LYRM4: variants seen among roughly 807,000 people sequenced by gnomAD.
The protein encoded by LYRM4 is LYR motif-containing protein 4.
LYRM4 carries 9 observed loss-of-function variants against 11.7 expected under a neutral mutation model. The ratio of observed to expected loss-of-function variants is 0.77; its 90% confidence interval spans 0.46 to 1.34. The LOEUF is 1.34. Ranked by LOEUF, LYRM4 falls within the 40% of genes most tolerant of loss-of-function variation. The pLI, the probability that LYRM4 is intolerant of heterozygous loss-of-function variation, is 0.00. For synonymous variants in LYRM4, 42 were observed against 40.4 expected (o/e 1.04, Z -0.15); for missense variants, 133 against 112.5 (o/e 1.18, Z -0.82).
the LYRM4 span, among the ~76,000 whole-genome samples, chr6:5,069,715 A>C: frequency 6.6e-6 from 1 of 152,048 alleles, no homozygotes; most frequent in Non-Finnish European, 1.5e-5. Context: ...TCCTGACCTC[A>C]TGATCCGCCT....
At chr6:5,168,819 A>G (rs1223189721) in intron 2 of LYRM4, among the ~76,000 whole-genome samples, 2 of 152,130 alleles carry the variant, frequency 1.3e-5, no homozygotes, top group African/African-American at 2.4e-5. Context: ...ACGTATGTTG[A>G]AGAATTTAGG....
At chr6:5,155,865 G>C (rs551689618) in intron 2 of LYRM4, among the ~76,000 whole-genome samples, 8 of 152,326 alleles carry the variant, frequency 5.3e-5, no homozygotes, top group Middle Eastern at 3.4e-3. Context: ...ATGTTCCAAA[G>C]TATTATACAT....
chr6:5,182,407 T>C (rs1236129267), intron 2 of LYRM4, among the ~76,000 whole-genome samples: 1 of 152,258 alleles, frequency 6.6e-6, no homozygotes, highest in African/African-American at 2.4e-5. Context: ...AACTGCTTTT[T>C]AAATTGGTTA....
intron 2 of LYRM4, among the ~76,000 whole-genome samples, chr6:5,166,609 C>T (rs991119235): frequency 3.3e-5 from 5 of 152,092 alleles, no homozygotes; most frequent in African/African-American, 1.2e-4. Context: ...AAATAACCCA[C>T]GTTGGGATGT....
downstream of LYRM4, among the ~76,000 whole-genome samples, chr6:5,102,393 A>C (rs1238565265): frequency 6.6e-6 from 1 of 152,140 alleles, no homozygotes; most frequent in Non-Finnish European, 1.5e-5. Context: ...TGTAAATGAA[A>C]TGCTCCTTTA....
chr6:5,114,143 C>T (rs139837655), intron 2 of LYRM4, among the ~76,000 whole-genome samples: 11 of 152,254 alleles, frequency 7.2e-5, no homozygotes, highest in Admixed American at 1.3e-4. Context: ...AGTGCCTGCC[C>T]GCCCTCCAGT....
the LYRM4 span, among the ~76,000 whole-genome samples, chr6:5,093,391 G>C: frequency 6.6e-6 from 1 of 152,268 alleles, no homozygotes; most frequent in Non-Finnish European, 1.5e-5. Flanking sequence ...AGTGGAGGGG[G>C]ATGGAACGCC....
At chr6:5,070,542 A>G in the LYRM4 span, among the ~76,000 whole-genome samples, 1 of 152,218 alleles carries the variant, frequency 6.6e-6, no homozygotes, top group Non-Finnish European at 1.5e-5. Context: ...GTATTGTCAT[A>G]AGGAAAAAAT....
At chr6:5,139,012 A>C (rs1457097981) in intron 2 of LYRM4, among the ~76,000 whole-genome samples, 2 of 152,226 alleles carry the variant, frequency 1.3e-5, no homozygotes, top group Non-Finnish European at 2.9e-5. Flanking sequence ...GAAGAGTAAT[A>C]TTGATGTTCG....
At chr6:5,075,514 G>C in the LYRM4 span, among the ~76,000 whole-genome samples, 1 of 152,192 alleles carries the variant, frequency 6.6e-6, no homozygotes, top group Non-Finnish European at 1.5e-5. Flanking sequence ...TTCTCTATCA[G>C]AGCTGCACCA....
At chr6:5,035,418 T>C in the LYRM4 span, among the ~76,000 whole-genome samples, 129,981 of 150,818 alleles carry the variant, frequency 0.86, 56,176 homozygotes, top group East Asian at 0.99. Context: ...TTTTCTTCAG[T>C]GCCAGGTGAC....
At chr6:5,237,803 G>A (rs2773294) in intron 1 of LYRM4, among the ~76,000 whole-genome samples, 56,626 of 152,064 alleles carry the variant, frequency 0.37, 12,188 homozygotes, top group African/African-American at 0.61. Context: ...ACCAGCCAAC[G>A]TGACAGGATG....
chr6:5,059,801 C>CT, the LYRM4 span, among the ~76,000 whole-genome samples: 14,511 of 143,844 alleles, frequency 0.1, 765 homozygotes, highest in Middle Eastern at 0.17. Context: ...GTTAATCTGC[C>CT]TTTTTTTTTT....
At chr6:5,132,227 C>T (rs964063835) in intron 2 of LYRM4, among the ~76,000 whole-genome samples, 2 of 152,200 alleles carry the variant, frequency 1.3e-5, no homozygotes, top group Non-Finnish European at 2.9e-5. Flanking sequence ...AGCTTACATG[C>T]TTTACTTAGT....
the LYRM4 span, chr6:5,034,769 T>TTTTCTTTTTTTTTTTTTTTC: frequency 7.7e-5 from 1 of 12,992 alleles, no homozygotes; most frequent in Non-Finnish European, 2.6e-4. Context: ...TTTTTTTTTT[T>TTTTCTTTTTTTTTTTTTTTC]TCAAAAAGCG....
At chr6:5,209,625 A>G (rs1761886388) in intron 2 of LYRM4, among the ~76,000 whole-genome samples, 1 of 152,198 alleles carries the variant, frequency 6.6e-6, no homozygotes, top group Non-Finnish European at 1.5e-5. Flanking sequence ...ATGAGAAAGA[A>G]CTTCTACAAG....
chr6:5,186,708 G>A, intron 2 of LYRM4: 3 of 992,196 alleles, frequency 3.0e-6, no homozygotes, highest in Non-Finnish European at 3.6e-6. Flanking sequence ...TGTCTGCCGG[G>A]CACAGTGGTT....
downstream of LYRM4, chr6:5,108,081 G>C (rs762234550): frequency 6.6e-6 from 1 of 152,034 alleles, no homozygotes; most frequent in Non-Finnish European, 1.5e-5. Flanking sequence ...CTATTTGAAC[G>C]CATCATTGCA....
At chr6:5,121,969 A>G (rs910901797) in intron 2 of LYRM4, among the ~76,000 whole-genome samples, 5 of 152,130 alleles carry the variant, frequency 3.3e-5, no homozygotes, top group Non-Finnish European at 7.4e-5. Flanking sequence ...TCTTTGACAA[A>G]CTTTCTGGGG....
Sources: gnomAD v4.1 joint callset for allele counts (sites outside exome capture counted in the v4.1 genomes callset) on GRCh38, gnomAD v4.1.1 for gene constraint, MANE v1.5 for transcripts, NCBI Gene and HGNC (gene_info 2026-07-23, HGNC 2026-07-21) for gene names.